RIPOR2: variants seen among roughly 807,000 people sequenced by gnomAD.
The protein encoded by RIPOR2 is rho family-interacting cell polarization regulator 2.
In RIPOR2, 39 loss-of-function variants were observed where a neutral mutation model predicts 114.5. That is an observed-to-expected ratio of 0.34 (90% CI 0.26 to 0.44). The LOEUF (loss-of-function observed/expected upper bound fraction) is 0.44, where lower values mean the gene tolerates loss of function less well. RIPOR2 is among the 20% of genes least tolerant of loss of function. The probability of loss-of-function intolerance (pLI) is 1.00; values close to 1 mark genes in which losing one functional copy is unlikely to be tolerated. For synonymous variants in RIPOR2, 445 were observed against 484.4 expected (o/e 0.92, Z 1.07); for missense variants, 1,007 against 1,255.1 (o/e 0.80, Z 2.99).
chr6:24,945,924 C>T (rs144084608), intron 1 of RIPOR2, among the ~76,000 whole-genome samples: 3 of 152,112 alleles, frequency 2.0e-5, no homozygotes, highest in Admixed American at 1.3e-4. Flanking sequence ...AATATTTTTA[C>T]AAATTCCTGT....
chr6:24,852,285 TA>T (rs1391542849), intron 9 of RIPOR2, among the ~76,000 whole-genome samples: 1 of 151,070 alleles, frequency 6.6e-6, no homozygotes, highest in African/African-American at 2.4e-5. Flanking sequence ...AATAAGTAAG[TA>T]AATAAATAAA....
At chr6:24,927,593 A>G (rs146382180) in intron 1 of RIPOR2, among the ~76,000 whole-genome samples, 30 of 151,588 alleles carry the variant, frequency 2.0e-4, no homozygotes, top group South Asian at 6.3e-4. Context: ...TATTATCTCT[A>G]TAATCGCTAC....
intron 7 of RIPOR2, among the ~76,000 whole-genome samples, chr6:24,863,422 C>A (rs1349837770): frequency 6.6e-6 from 1 of 152,190 alleles, no homozygotes; most frequent in Non-Finnish European, 1.5e-5. Flanking sequence ...CTGAAATGAC[C>A]TGCAAATATG....
intron 1 of RIPOR2, among the ~76,000 whole-genome samples, chr6:25,035,455 G>A (rs1777196231): frequency 6.6e-6 from 1 of 152,172 alleles, no homozygotes; most frequent in South Asian, 2.1e-4. Flanking sequence ...CAAGGGATTT[G>A]TCAGTCAGTA....
In RIPOR2 at chr6:25,005,738, T is replaced by TATATATATATATATATACATAC. The variant is rs34572978; in HGVS notation, c.76+36112_76+36113insGTATGTATATATATATATATAT. Reference sequence around the variant, plus strand: ...ATATATATATATATATATATATATATATACATTTACCGATCAAAAGATATG... The same window carrying TATATATATATATATATACATAC: ...ATATATATATATATATATATATATATATATATATATATATATACATACATACATTTACCGATCAAAAGATATG... On this transcript the variant is annotated intron_variant, in intron 1 of 13. Transcript: ENST00000510784. Among the ~76,000 whole-genome samples the TATATATATATATATATACATAC allele has an allele frequency of 1.2e-3, 87 of 70,696 alleles. 9 individuals carry two copies. The highest frequency in any genetic ancestry group is 2.4e-3 in the Non-Finnish European group (73 of 30,022). 46.4% of individuals were successfully genotyped at this position (70,696 alleles called of 152,430 possible).
At chr6:24,951,136 G>C (rs1772730444) in intron 1 of RIPOR2, among the ~76,000 whole-genome samples, 1 of 152,232 alleles carries the variant, frequency 6.6e-6, no homozygotes, top group African/African-American at 2.4e-5. Context: ...GTGGTAGAAT[G>C]ACACCTGAGA....
chr6:24,940,394 C>T (rs1470113644), upstream of RIPOR2, among the ~76,000 whole-genome samples: 2 of 151,982 alleles, frequency 1.3e-5, no homozygotes, highest in Non-Finnish European at 2.9e-5. Context: ...TTCAGATATA[C>T]AAACTTCTGA....
In RIPOR2 at chr6:24,986,558, A is replaced by G. The variant is rs192925333; in HGVS notation, c.76+55293T>C. Among the ~76,000 whole-genome samples the G allele has an allele frequency of 3.5e-4, 54 of 152,328 alleles. No homozygotes were observed. The South Asian group carries it at 5.8e-3, about 16-fold the overall frequency. ...TGCCAGAAAAAAAAAAGAAACTGAAATATTGCTGTTTCACAACAGGAGAAG... is the reference window on the plus strand; with the variant it reads ...TGCCAGAAAAAAAAAAGAAACTGAAGTATTGCTGTTTCACAACAGGAGAAG... On this transcript the variant is annotated intron_variant, in intron 1 of 13. Transcript: ENST00000510784.
chr6:24,808,364 A>T (rs1780914152), intron 21 of RIPOR2, among the ~76,000 whole-genome samples: 1 of 152,212 alleles, frequency 6.6e-6, no homozygotes, highest in Non-Finnish European at 1.5e-5. Flanking sequence ...TGAAGGGATA[A>T]AGGAGTTTAA....
intron 19 of RIPOR2, among the ~76,000 whole-genome samples, chr6:24,824,010 G>A (rs1759931386): frequency 6.6e-6 from 1 of 152,096 alleles, no homozygotes; most frequent in Admixed American, 6.6e-5. Context: ...ACCCACCTCG[G>A]CCTCCCAAAG....
rs758750712 is a variant in RIPOR2, at chr6:24,843,147, A to C, written c.1572T>G (p.Ser524=). The C allele has an allele frequency of 2.5e-6, 4 of 1,613,992 alleles. No individual in the cohort carries two copies. The South Asian group carries it at 4.4e-5, about 18-fold the overall frequency. ...CAGGCTTGAGCTCAGAGGCCTCCTC[A>C]GACTCTTGCAGAAGTGCTTCTGCAA... ...NDVAEALLQE[S]EEASELKPVE... Residue 524 remains serine (S), a synonymous_variant, in exon 13 of 22, where the codon TCT becomes TCG. Coordinates refer to ENST00000643898, the MANE Select transcript of RIPOR2 (RefSeq NM_001286445.3).
intron 8 of RIPOR2, among the ~76,000 whole-genome samples, chr6:24,856,386 G>A (rs572790936): frequency 1.3e-5 from 2 of 152,292 alleles, no homozygotes; most frequent in South Asian, 2.1e-4. Flanking sequence ...CTGAAAGAAA[G>A]TATAATCGAC....
chr6:24,849,882 C>G lies in RIPOR2; in HGVS notation c.954G>C (p.Leu318=), dbSNP rs775173643. The change falls in exon 11 of 22, where the codon CTG becomes CTC. Residue 318 remains leucine (L), a synonymous_variant. Transcript: ENST00000643898. ...VGSVTCETKE[L]FAARPQVVAV... ...CCACTACCTGAGGTCGGGCTGCAAA[C>G]AGCTCTTTGGTCTCACAGGTCACGC... is the stretch of plus-strand genomic sequence containing the variant. The G allele has an allele frequency of 1.9e-6, 3 of 1,613,932 alleles. No individual in the cohort carries two copies. Among genetic ancestry groups the G allele is most frequent in the Non-Finnish European group, 2.5e-6 (3 of 1,179,860 alleles).
intron 12 of RIPOR2, 148 bp downstream of exon 12, chr6:24,847,877 T>C (rs1762476326): frequency 1.7e-6 from 2 of 1,171,522 alleles, no homozygotes; most frequent in South Asian, 1.6e-5. Flanking sequence ...ATAGGTAAGG[T>C]GGGCAAGGAG....
intron 8 of RIPOR2, among the ~76,000 whole-genome samples, chr6:24,855,893 T>TC (rs1215017824): frequency 1.3e-5 from 2 of 151,990 alleles, no homozygotes; most frequent in Non-Finnish European, 2.9e-5. Flanking sequence ...AATTAGCCAG[T>TC]CATGGTGGCG....
intron 1 of RIPOR2, among the ~76,000 whole-genome samples, chr6:24,919,641 C>T (rs1253720145): frequency 2.0e-5 from 3 of 152,184 alleles, no homozygotes; most frequent in Non-Finnish European, 4.4e-5. Context: ...TGAACACCTG[C>T]TCTCGTTTGT....
chr6:24,945,630 T>C (rs938138773), intron 1 of RIPOR2, among the ~76,000 whole-genome samples: 11 of 152,190 alleles, frequency 7.2e-5, no homozygotes, highest in Non-Finnish European at 1.6e-4. Context: ...AGTAGAGTGA[T>C]AGAGGATAAA....
At chr6:24,839,012 G>T in intron 14 of RIPOR2, 79 bp downstream of exon 14, 1 of 1,178,876 alleles carries the variant, frequency 8.5e-7, no homozygotes, top group South Asian at 1.5e-5. Flanking sequence ...TGTGTACCAG[G>T]TCCCCTCTGA....
chr6:24,817,978 C>CTTTTTTTTTTTTTTTTTTTTTTTTTTTTT (rs57294288), intron 20 of RIPOR2, among the ~76,000 whole-genome samples: 2 of 118,366 alleles, frequency 1.7e-5, no homozygotes, highest in Non-Finnish European at 1.7e-5. Flanking sequence ...CTCTCTCTCT[C>CTTTTTTTTTTTTTTTTTTTTTTTTTTTTT]TTTTTTTTTG....
Sources: gnomAD v4.1 joint callset for allele counts (sites outside exome capture counted in the v4.1 genomes callset) on GRCh38, gnomAD v4.1.1 for gene constraint, MANE v1.5 for transcripts, NCBI Gene and HGNC (gene_info 2026-07-23, HGNC 2026-07-21) for gene names.